Variants in GATM observed in about 807,000 individuals in gnomAD.
GATM encodes glycine amidinotransferase, mitochondrial.
In GATM, 23 loss-of-function variants were observed where a neutral mutation model predicts 54.2. That is an observed-to-expected ratio of 0.42 (90% CI 0.31 to 0.60). The LOEUF (loss-of-function observed/expected upper bound fraction) is 0.60, where lower values mean the gene tolerates loss of function less well. Ranked by LOEUF, GATM falls within the 20% of genes least tolerant of loss-of-function variation. The pLI is 0.14. For missense variants in GATM, 401 were observed against 544.9 expected, an observed-to-expected ratio of 0.74 and a Z score of 2.63; for synonymous variants, 168 against 183.1, an observed-to-expected ratio of 0.92 and a Z score of 0.67.
In GATM at chr15:45,364,870, CAA is replaced by C. The variant is rs202176047; in HGVS notation, c.979-12_979-11del. The C allele has an allele frequency of 6.2e-7, 1 of 1,608,892 alleles. No individual in the cohort carries two copies. The highest frequency in any genetic ancestry group is 8.5e-7 in the Non-Finnish European group (1 of 1,176,354). On this transcript the variant is annotated splice_polypyrimidine_tract_variant and intron_variant, in intron 6 of 8. Coordinates refer to ENST00000396659, the MANE Select transcript of GATM (RefSeq NM_001482.3). ...TCTTGAAAAGATCAATCTGTAAGAC[CAA>C]AAAAAACCCCCAAAACCGTTAAATC...
At chr15:45,390,008 C>G (rs911252814) in intron 3 of GATM, among the ~76,000 whole-genome samples, 3 of 151,980 alleles carry the variant, frequency 2.0e-5, no homozygotes, top group Admixed American at 6.6e-5. Flanking sequence ...TACAGGCACA[C>G]ACCCATCTAA....
rs1889371554 is a variant in GATM at position 45,361,919 on chromosome 15, A to G, written c.*190T>C. On this transcript the variant is annotated 3_prime_UTR_variant, in exon 9 of 9. Coordinates refer to ENST00000396659, the MANE Select transcript of GATM (RefSeq NM_001482.3). The stretch of plus-strand genomic sequence containing the variant: ...GTAAATAACTTTAGGAGTAGAGAGT[A>G]ATACCTAGCAGAAGTTATTTTCTTT... 3.2e-6 allele frequency: 2 copies of G among 615,558 alleles called. No individual in the cohort carries two copies. The highest frequency in any genetic ancestry group is 5.5e-5 in the Admixed American group (2 of 36,382). The allele number at this position is 615,558 out of a possible 1,614,324, so 38.1% of individuals were successfully genotyped here. A position where few individuals can be genotyped will look rare whatever the true frequency, so the allele number is the denominator to read the frequency against.
intron 1 of GATM, among the ~76,000 whole-genome samples, chr15:45,400,966 C>CTT (rs35335867): frequency 1.6e-3 from 240 of 150,950 alleles, no homozygotes; most frequent in African/African-American, 5.1e-3. Flanking sequence ...AAAACGATGG[C>CTT]TTTTTTTTTA....
intron 1 of GATM, 30 bp downstream of exon 1, chr15:45,378,355 G>A: frequency 6.0e-6 from 9 of 1,500,184 alleles, no homozygotes; most frequent in Non-Finnish European, 8.0e-6. Flanking sequence ...GAGTCACGCG[G>A]CCGCCAGACG....
At chr15:45,370,407 GA>G (rs5812295) in intron 2 of GATM, among the ~76,000 whole-genome samples, 47,267 of 144,786 alleles carry the variant, frequency 0.33, 8,478 homozygotes, top group East Asian at 0.83. Context: ...AAAAGAAAAA[GA>G]AAAAAAAAAA....
chr15:45,386,225 A>G (rs1889802265), intron 3 of GATM, among the ~76,000 whole-genome samples: 1 of 152,250 alleles, frequency 6.6e-6, no homozygotes, highest in African/African-American at 2.4e-5. Context: ...GAACATATGT[A>G]TGCACATAAA....
intron 6 of GATM, among the ~76,000 whole-genome samples, chr15:45,365,421 A>G (rs568949364): frequency 7.2e-5 from 11 of 152,368 alleles, no homozygotes; most frequent in African/African-American, 2.6e-4. Flanking sequence ...AGTCATGGTC[A>G]TCGGGTTTAA....
intron 1 of GATM, chr15:45,401,752 T>A (rs1890013702): frequency 6.6e-6 from 1 of 152,280 alleles, no homozygotes; most frequent in Admixed American, 6.5e-5. Context: ...ACTGTTGGTG[T>A]GCTACAAATC....
intron 7 of GATM, 169 bp from the exon 8 acceptor site, chr15:45,364,185 A>T (rs1457721811): frequency 4.7e-6 from 3 of 632,248 alleles, no homozygotes; most frequent in Admixed American, 2.5e-5. Flanking sequence ...GTATGAATCA[A>T]TCTGTACTCA....
chr15:45,378,394 G>C lies in GATM; in HGVS notation c.60C>G (p.Ile20Met), dbSNP rs1000621646. ...GSRGAEAVHY[I>M]GSRLGRTLTG... ...CCGGTGGCGCACGCACCCGAGATCC[G>C]ATGTAGTGCACCGCCTCGGCGCCGC... Residue 20 changes from isoleucine (I) to methionine (M), a missense_variant, in exon 1 of 9, where the codon ATC (isoleucine) becomes ATG (methionine). Physicochemically the swap from Ile to Met is conservative, Grantham distance 10. Coordinates refer to ENST00000396659, the MANE Select transcript of GATM (RefSeq NM_001482.3). The C allele has an allele frequency of 7.9e-6, 12 of 1,518,064 alleles. No individual in the cohort carries two copies. Among genetic ancestry groups the C allele is most frequent in the Non-Finnish European group, 1.1e-5 (12 of 1,139,772 alleles). 94.0% of individuals were successfully genotyped at this position (1,518,064 alleles called of 1,614,324 possible).
In GATM at chr15:45,361,780, T is replaced by C. The variant is rs1479791374; in HGVS notation, c.*329A>G. 2.0e-6 allele frequency: 1 copy of C among 489,798 alleles called. No individual in the cohort carries two copies. Among genetic ancestry groups the C allele is most frequent in the African/African-American group, 2.0e-5 (1 of 51,102 alleles). The allele number at this position is 489,798 out of a possible 1,614,324, so 30.3% of individuals were successfully genotyped here. A position where few individuals can be genotyped will look rare whatever the true frequency, so the allele number is the denominator to read the frequency against. ...AGGACCAACATTTCAAGCTGCCTTT[T>C]GGAAAGAAAATTAAAAACAGAGGTA... On this transcript the variant is annotated 3_prime_UTR_variant, in exon 9 of 9. Transcript: ENST00000396659.
At chr15:45,367,533 A>T (rs1889469691) in intron 4 of GATM, among the ~76,000 whole-genome samples, 1 of 152,210 alleles carries the variant, frequency 6.6e-6, no homozygotes, top group South Asian at 2.1e-4. Context: ...AAACTAATTC[A>T]TTATTTATTT....
rs1889367205 is a variant in GATM at position 45,361,693 on chromosome 15, T to C, written c.*416A>G. 2.4e-6 allele frequency: 1 copy of C among 420,952 alleles called. No individual in the cohort carries two copies. The highest frequency in any genetic ancestry group is 4.2e-6 in the Non-Finnish European group (1 of 239,922). The allele number at this position is 420,952 out of a possible 1,614,324, so 26.1% of individuals were successfully genotyped here. The stretch of plus-strand genomic sequence containing the variant: ...ATTTTGGATCTGTGTACATTCTAAG[T>C]CTTTCTCTCATTTAGAGAAAAACAT... On this transcript the variant is annotated 3_prime_UTR_variant, in exon 9 of 9. Transcript: ENST00000396659.
At chr15:45,392,241 A>G (rs1348318857) in intron 3 of GATM, among the ~76,000 whole-genome samples, 2 of 152,234 alleles carry the variant, frequency 1.3e-5, no homozygotes, top group African/African-American at 2.4e-5. Context: ...ACAGAAAGGA[A>G]GAAAAAGATG....
chr15:45,375,002 A>T (rs1566842272), intron 2 of GATM, among the ~76,000 whole-genome samples: 1 of 152,246 alleles, frequency 6.6e-6, no homozygotes, highest in African/African-American at 2.4e-5. Context: ...TGCAGTATAG[A>T]ACCTGAACAC....
chr15:45,399,053 G>C (rs1889967685), intron 2 of GATM, among the ~76,000 whole-genome samples: 1 of 152,104 alleles, frequency 6.6e-6, no homozygotes, highest in African/African-American at 2.4e-5. Flanking sequence ...AGGACATAAA[G>C]AGAAACCATT....
intron 6 of GATM, 53 bp from the exon 7 acceptor site, chr15:45,364,913 T>G: frequency 2.1e-6 from 3 of 1,422,260 alleles, no homozygotes; most frequent in Non-Finnish European, 3.0e-6. Context: ...ATACTATTAT[T>G]ATTATTAGTC....
intron 7 of GATM, chr15:45,364,222 T>G (rs1889410523): frequency 5.2e-6 from 3 of 571,590 alleles, no homozygotes; most frequent in Non-Finnish European, 6.2e-6. Flanking sequence ...CACCCTGTTT[T>G]CTTTTAAAAG....
Position 45,368,052 on chromosome 15 carries a change from C to A in GATM, c.675+18G>T. The A allele has an allele frequency of 6.2e-7, 1 of 1,610,128 alleles. No individual in the cohort carries two copies. Among genetic ancestry groups the A allele is most frequent in the South Asian group, 1.1e-5 (1 of 90,874 alleles). On this transcript the variant is annotated intron_variant, in intron 4 of 8. Transcript: ENST00000396659. This position sits in a 1 kb window ranked among gnomAD's most constrained non-coding sequence, Gnocchi z 5.1. Reference sequence around the variant, plus strand: ...TTAGAAAAGTTAGTAATAAGCTAGCCTATAATTAGGGACTCACCTGGTTAT... The same window carrying A: ...TTAGAAAAGTTAGTAATAAGCTAGCATATAATTAGGGACTCACCTGGTTAT...
Sources: gnomAD v4.1 joint callset for allele counts (sites outside exome capture counted in the v4.1 genomes callset) on GRCh38, gnomAD v4.1.1 for gene constraint, Gnocchi (gnomAD v3.1) non-coding constraint, MANE v1.5 for transcripts, NCBI Gene and HGNC (gene_info 2026-07-23, HGNC 2026-07-21) for gene names.